AMD1: variants seen among roughly 807,000 people sequenced by gnomAD.
The protein encoded by AMD1 is adenosylmethionine decarboxylase 1, also known as S-adenosylmethionine decarboxylase proenzyme.
A neutral mutation model predicts 40.2 loss-of-function variants in AMD1; 11 were observed. The ratio of observed to expected loss-of-function variants is 0.27; its 90% confidence interval spans 0.17 to 0.45. AMD1 has a LOEUF of 0.45. Among genes scored for constraint, AMD1 ranks in the 20% least tolerant of loss-of-function variants. The pLI is 1.00. For missense variants in AMD1, 257 were observed against 410.2 expected, an observed-to-expected ratio of 0.63 and a Z score of 3.23; for synonymous variants, 121 against 130.8, an observed-to-expected ratio of 0.93 and a Z score of 0.51.
the AMD1 span, chr6:110,815,381 C>T: frequency 1.1e-5 from 4 of 375,718 alleles, no homozygotes; most frequent in Admixed American, 9.8e-5. Flanking sequence ...CCCGCAGGCA[C>T]CCCCAGTCCC....
At chr6:110,880,989 C>T (rs1162848936) in intron 1 of AMD1, among the ~76,000 whole-genome samples, 1 of 152,050 alleles carries the variant, frequency 6.6e-6, no homozygotes, top group African/African-American at 2.4e-5. Flanking sequence ...TTATCTTGTC[C>T]CTGTAGACAT....
At chr6:110,880,153 C>T (rs1359015889) in intron 1 of AMD1, among the ~76,000 whole-genome samples, 2 of 152,104 alleles carry the variant, frequency 1.3e-5, no homozygotes, top group South Asian at 4.1e-4. Context: ...GACAGGGTTT[C>T]GCCATGTTGG....
chr6:110,877,667 G>C (rs1785188875), intron 1 of AMD1, among the ~76,000 whole-genome samples: 2 of 152,236 alleles, frequency 1.3e-5, no homozygotes, highest in Non-Finnish European at 1.5e-5. Flanking sequence ...CATGGAAGTT[G>C]TGAAGAATAA....
At chr6:110,840,762 G>A in the AMD1 span, among the ~76,000 whole-genome samples, 2 of 151,734 alleles carry the variant, frequency 1.3e-5, no homozygotes, top group Admixed American at 6.6e-5. Flanking sequence ...GGGGGTGGGG[G>A]AAGATTAGAG....
chr6:110,855,063 C>CTGTTTTTTTTT, the AMD1 span, among the ~76,000 whole-genome samples: 1 of 107,336 alleles, frequency 9.3e-6, no homozygotes, highest in East Asian at 5.4e-4. Context: ...TTCTCTCTCT[C>CTGTTTTTTTTT]TCTTTTTTTT....
the AMD1 span, among the ~76,000 whole-genome samples, chr6:110,859,407 T>C: frequency 3.9e-5 from 6 of 152,046 alleles, no homozygotes; most frequent in Non-Finnish European, 8.8e-5. Flanking sequence ...ACGTCCAGGC[T>C]GTGGGCCGAG....
At chr6:110,867,284 G>T in the AMD1 span, among the ~76,000 whole-genome samples, 3 of 151,994 alleles carry the variant, frequency 2.0e-5, no homozygotes, top group African/African-American at 7.3e-5. Context: ...AAATAGCTGG[G>T]ACTACAAGCA....
the AMD1 span, among the ~76,000 whole-genome samples, chr6:110,847,778 C>T: frequency 6.6e-6 from 1 of 150,816 alleles, no homozygotes; most frequent in Non-Finnish European, 1.5e-5. Context: ...GTGGCACAAT[C>T]TTGGCTCACT....
chr6:110,878,123 T>G (rs1785208406), intron 1 of AMD1, among the ~76,000 whole-genome samples: 2 of 152,212 alleles, frequency 1.3e-5, no homozygotes, highest in Non-Finnish European at 2.9e-5. Flanking sequence ...ACTGGAGTGT[T>G]CTGTATAATT....
the AMD1 span, among the ~76,000 whole-genome samples, chr6:110,838,795 G>A: frequency 6.6e-6 from 1 of 152,190 alleles, no homozygotes; most frequent in Non-Finnish European, 1.5e-5. Context: ...GAGGGCTGAG[G>A]TTGCAGTGAG....
At chr6:110,840,005 TTCTC>T in the AMD1 span, among the ~76,000 whole-genome samples, 18 of 143,236 alleles carry the variant, frequency 1.3e-4, no homozygotes, top group African/African-American at 2.8e-4. Context: ...GTTCTCAGGA[TTCTC>T]TCTCTTTTTT....
At chr6:110,863,850 G>A in the AMD1 span, 1 of 417,450 alleles carries the variant, frequency 2.4e-6, no homozygotes, top group Admixed American at 2.7e-5. Context: ...TGAAGGCCTG[G>A]TGAGAGACAA....
the AMD1 span, among the ~76,000 whole-genome samples, chr6:110,834,904 G>A: frequency 4.8e-5 from 7 of 144,572 alleles, no homozygotes; most frequent in Admixed American, 4.2e-4. Context: ...AGCCAAGATC[G>A]CCCCACTGCA....
chr6:110,856,001 G>A, the AMD1 span, among the ~76,000 whole-genome samples: 234 of 152,218 alleles, frequency 1.5e-3, 2 homozygotes, highest in African/African-American at 5.1e-3. Context: ...GATTAATTGA[G>A]CCTGGGAGGT....
the AMD1 span, among the ~76,000 whole-genome samples, chr6:110,866,700 C>T: frequency 1.3e-5 from 2 of 151,964 alleles, no homozygotes; most frequent in Admixed American, 1.3e-4. Flanking sequence ...GATAAAGGAA[C>T]TCCTGTTTTT....
At chr6:110,871,558 G>A (rs879666896), upstream of AMD1, among the ~76,000 whole-genome samples, 5 of 152,250 alleles carry the variant, frequency 3.3e-5, no homozygotes, top group South Asian at 2.1e-4. Flanking sequence ...GCTGTATAAC[G>A]AGGTGATTTG....
At chr6:110,840,918 A>AT in the AMD1 span, among the ~76,000 whole-genome samples, 3 of 152,232 alleles carry the variant, frequency 2.0e-5, no homozygotes, top group Admixed American at 6.5e-5. Flanking sequence ...ATAAAAACCA[A>AT]TATCTATTAT....
chr6:110,832,855 C>T, the AMD1 span, among the ~76,000 whole-genome samples: 1 of 152,120 alleles, frequency 6.6e-6, no homozygotes, highest in Non-Finnish European at 1.5e-5. Flanking sequence ...GAGATTCACT[C>T]TGTCACCCAG....
the AMD1 span, among the ~76,000 whole-genome samples, chr6:110,832,010 ATTT>A: frequency 6.2e-5 from 8 of 128,216 alleles, no homozygotes; most frequent in African/African-American, 9.1e-5. Context: ...TGCCTGGCTA[ATTT>A]TTTTTTTTTT....
Sources: allele counts gnomAD v4.1 joint callset (sites outside exome capture counted in the v4.1 genomes callset), GRCh38; gene constraint gnomAD v4.1.1; transcripts MANE v1.5; gene names NCBI Gene and HGNC (gene_info 2026-07-23, HGNC 2026-07-21).